RUNX1: variants seen among roughly 807,000 people sequenced by gnomAD.
RUNX1 encodes RUNX family transcription factor 1.
A neutral mutation model predicts 42.8 loss-of-function variants in RUNX1; 19 were observed. The ratio of observed to expected loss-of-function variants is 0.44; its 90% confidence interval spans 0.31 to 0.65. The LOEUF is 0.65. RUNX1 is among the 30% of genes least tolerant of loss of function. The probability of loss-of-function intolerance (pLI) is 0.07; values close to 1 mark genes in which losing one functional copy is unlikely to be tolerated. For missense variants in RUNX1, 528 were observed against 672.0 expected (o/e 0.79, Z 2.37); for synonymous variants, 271 against 289.4 (o/e 0.94, Z 0.64).
chr21:35,010,754 C>T (rs1211700000), intron 2 of RUNX1, among the ~76,000 whole-genome samples: 1 of 152,126 alleles, frequency 6.6e-6, no homozygotes, highest in African/African-American at 2.4e-5. Flanking sequence ...CATAAACACA[C>T]TCGTTGAGGC....
chr21:34,958,445 A>G (rs2058660709), intron 2 of RUNX1, among the ~76,000 whole-genome samples: 1 of 152,226 alleles, frequency 6.6e-6, no homozygotes, highest in East Asian at 1.9e-4. Flanking sequence ...AGACACATGA[A>G]AAAATGCTCA....
At chr21:34,820,561 C>T (rs144139759) in intron 7 of RUNX1, among the ~76,000 whole-genome samples, 2,371 of 151,538 alleles carry the variant, frequency 0.016, 26 homozygotes, top group Non-Finnish European at 0.024. Context: ...CCCGGCTACT[C>T]GGGAGGCTGA....
intron 6 of RUNX1, among the ~76,000 whole-genome samples, chr21:34,837,553 G>A (rs1351137550): frequency 6.6e-6 from 1 of 152,188 alleles, no homozygotes; most frequent in Non-Finnish European, 1.5e-5. Context: ...AATACTTTAT[G>A]TCTTCAGTTT....
chr21:34,850,200 T>A (rs2057397649), intron 6 of RUNX1, among the ~76,000 whole-genome samples: 1 of 152,240 alleles, frequency 6.6e-6, no homozygotes, highest in South Asian at 2.1e-4. Flanking sequence ...GCAATCCATC[T>A]GAAAGCTGTG....
At chr21:34,932,561 A>G (rs1240919659) in intron 2 of RUNX1, among the ~76,000 whole-genome samples, 2 of 152,182 alleles carry the variant, frequency 1.3e-5, no homozygotes, top group African/African-American at 4.8e-5. Context: ...GTTACAATTT[A>G]TTGAGGAGTC....
chr21:34,935,746 C>G (rs889971229), intron 2 of RUNX1, among the ~76,000 whole-genome samples: 1 of 152,170 alleles, frequency 6.6e-6, no homozygotes, highest in Admixed American at 6.5e-5. Context: ...TCCCCTACTC[C>G]TGATGTCACA....
At position 35,030,071 on chromosome 21, in the gene RUNX1, C is replaced by T. The variant is rs546729403; in HGVS notation, c.58+18771G>A. On this transcript the variant is annotated intron_variant, in intron 2 of 8. Transcript: ENST00000675419. ...TAAAAACCACTGGTGAGGCCGGGTG[C>T]GGTGGCTCACGCCTGTAATCCAAGC... 5.9e-5 allele frequency among the ~76,000 whole-genome samples: 9 copies of T among 152,276 alleles called. No homozygotes were observed. In the South Asian group the frequency reaches 6.2e-4, roughly 11 times the overall value.
chr21:34,886,373 T>C (rs943691361), intron 4 of RUNX1, among the ~76,000 whole-genome samples: 2 of 152,230 alleles, frequency 1.3e-5, no homozygotes, highest in Admixed American at 1.3e-4. Context: ...ACAGTTTCCC[T>C]AGTTAGTTTC....
chr21:34,934,358 T>A (rs902958457), intron 2 of RUNX1, among the ~76,000 whole-genome samples: 1 of 152,180 alleles, frequency 6.6e-6, no homozygotes, highest in African/African-American at 2.4e-5. Context: ...GTCATTTTCA[T>A]GTTTCTCTTG....
chr21:34,799,207 T>C (rs545267517), intron 8 of RUNX1, 94 bp downstream of exon 8: 4 of 1,341,432 alleles, frequency 3.0e-6, no homozygotes, highest in Non-Finnish European at 4.3e-6. Context: ...CATGTTTTAC[T>C]CAATAATGTT....
At chr21:34,853,207 C>T (rs1261146674) in intron 6 of RUNX1, among the ~76,000 whole-genome samples, 1 of 152,160 alleles carries the variant, frequency 6.6e-6, no homozygotes, top group African/African-American at 2.4e-5. Context: ...CAACTGCTGG[C>T]ACCTGTGACC....
intron 2 of RUNX1, among the ~76,000 whole-genome samples, chr21:34,925,405 T>C (rs1045135352): frequency 6.6e-6 from 1 of 152,180 alleles, no homozygotes; most frequent in African/African-American, 2.4e-5. Context: ...TGGGTCATTA[T>C]GGAGGGTTCT....
rs2058823860 is a variant in RUNX1, at chr21:34,978,923, AACACACACACAGATACACAC to A, written c.58+69899_58+69918del. ...CTCCCTTGCCAGACTTCTCAGACAAAACACACACACAGATACACACACACACACACACACACACACACACA... is the reference window on the plus strand; with the variant it reads ...CTCCCTTGCCAGACTTCTCAGACAAAACACACACACACACACACACACACA... On this transcript the variant is annotated intron_variant, in intron 2 of 8. Transcript: ENST00000675419. Among the ~76,000 whole-genome samples, 3 of 87,666 alleles carry A rather than the reference AACACACACACAGATACACAC, an allele frequency of 3.4e-5. No individual in the cohort carries two copies. The South Asian group carries it at 1.1e-3, about 32-fold the overall frequency. 57.5% of individuals were successfully genotyped at this position (87,666 alleles called of 152,430 possible).
rs115067401 is a variant in RUNX1, at chr21:35,026,414, A to G, written c.58+22428T>C. ...CACCGCATAGAATCAGGCCAGGTCA[A>G]CTCTCTCCAAGAAGAAAAGCAATCT... On this transcript the variant is annotated intron_variant, in intron 2 of 8. Transcript: ENST00000675419. Among the ~76,000 whole-genome samples, 389 of 152,024 alleles carry G rather than the reference A, an allele frequency of 2.6e-3. 2 individuals carry two copies. The highest frequency in any genetic ancestry group is 8.8e-3 in the African/African-American group (366 of 41,474).
intron 2 of RUNX1, among the ~76,000 whole-genome samples, chr21:34,972,854 G>T (rs75321544): frequency 0.021 from 3,166 of 152,066 alleles, 111 homozygotes; most frequent in African/African-American, 0.072. Flanking sequence ...GTTGGAGAGA[G>T]CCTGATGCTC....
intron 2 of RUNX1, among the ~76,000 whole-genome samples, chr21:35,048,386 C>A (rs2059415947): frequency 6.6e-6 from 1 of 152,236 alleles, no homozygotes; most frequent in Non-Finnish European, 1.5e-5. Context: ...CTGGCACCAG[C>A]CCTCCTGGCT....
rs562945908 is a variant in RUNX1 at position 34,917,111 on chromosome 21, C to T, written c.59-24148G>A. On this transcript the variant is annotated intron_variant, in intron 2 of 8. Transcript: ENST00000675419. ...GGTTTGGAGACTTCTTTCCCATGGG[C>T]AGGTGGGCATCACAGAAGGACTCTG... Among the ~76,000 whole-genome samples the T allele has an allele frequency of 5.9e-4, 90 of 152,180 alleles. 1 individual carries two copies. The highest frequency in any genetic ancestry group is 2.0e-3 in the African/African-American group (85 of 41,518).
intron 3 of RUNX1, among the ~76,000 whole-genome samples, chr21:34,890,033 C>T (rs1569088169): frequency 6.6e-6 from 1 of 152,120 alleles, no homozygotes; most frequent in Non-Finnish European, 1.5e-5. Flanking sequence ...GACGCCCGCT[C>T]CTCCCTCCCC....
Position 34,792,454 on chromosome 21 carries a change from G to GTGGCCGAGCCCA in RUNX1, c.1112_1123dup (p.Met371_Ala374dup), listed in dbSNP as rs781609580. ...CGGCGGCAGGTAGGTGTGGTAGCGC[G>GTGGCCGAGCCCA]TGGCCGAGCCCATGGCCGACATGCC... On this transcript the variant is annotated inframe_insertion, in exon 9 of 9. Coordinates refer to ENST00000675419, the MANE Select transcript of RUNX1 (RefSeq NM_001754.5). The surrounding 1 kb of genome is among the most constrained non-coding windows in gnomAD (Gnocchi z 6.9). 5 of 1,578,744 alleles carry GTGGCCGAGCCCA rather than the reference G, an allele frequency of 3.2e-6. No homozygotes were observed.
Sources: gnomAD v4.1 joint callset for allele counts (sites outside exome capture counted in the v4.1 genomes callset) on GRCh38, gnomAD v4.1.1 for gene constraint, Gnocchi (gnomAD v3.1) non-coding constraint, MANE v1.5 for transcripts, NCBI Gene and HGNC (gene_info 2026-07-23, HGNC 2026-07-21) for gene names.